Variants in GMDS observed in about 807,000 individuals in gnomAD.
The protein encoded by GMDS is GDP-mannose 4,6-dehydratase, also known as GDP-mannose 4,6 dehydratase.
Under a neutral mutation model 49.9 loss-of-function variants are expected in GMDS, and 20 were observed. That is an observed-to-expected ratio of 0.40 (90% CI 0.28 to 0.58). The LOEUF is 0.58. Ranked by LOEUF, GMDS falls within the 20% of genes least tolerant of loss-of-function variation. The pLI is 0.42. For synonymous variants in GMDS, 177 were observed against 178.6 expected (o/e 0.99, Z 0.07); for missense variants, 362 against 481.4 (o/e 0.75, Z 2.32).
intron 7 of GMDS, among the ~76,000 whole-genome samples, chr6:1,928,970 A>AAAATAAATAAATAAATAAAT (rs36003101): frequency 1.4e-5 from 2 of 148,036 alleles, no homozygotes; most frequent in African/African-American, 5.0e-5. Context: ...CTCTGTCTCA[A>AAAATAAATAAATAAATAAAT]AAATAAATAA....
intron 1 of GMDS, among the ~76,000 whole-genome samples, chr6:2,147,072 A>G (rs61070654): frequency 0.11 from 16,680 of 152,136 alleles, 3,018 homozygotes; most frequent in African/African-American, 0.38. Flanking sequence ...GTGAAGGAAA[A>G]TAGGAGTCCT....
At chr6:2,202,804 C>G (rs1291342914) in intron 1 of GMDS, among the ~76,000 whole-genome samples, 1 of 152,136 alleles carries the variant, frequency 6.6e-6, no homozygotes, top group Non-Finnish European at 1.5e-5. Context: ...GACCCTGGTT[C>G]TGGACCACAG....
chr6:2,238,667 T>C (rs768067594), intron 1 of GMDS, among the ~76,000 whole-genome samples: 4 of 152,176 alleles, frequency 2.6e-5, no homozygotes, highest in Non-Finnish European at 4.4e-5. Context: ...TAATCATCAT[T>C]TGTAATCCAC....
At chr6:2,115,943 C>G in intron 3 of GMDS, 63 bp from the exon 4 acceptor site, 1 of 951,736 alleles carries the variant, frequency 1.1e-6, no homozygotes, top group Non-Finnish European at 1.7e-6. Flanking sequence ...TTTTTAAAAA[C>G]ATCAAAATTG....
chr6:2,000,284 C>T (rs973778496), intron 4 of GMDS, among the ~76,000 whole-genome samples: 5 of 150,934 alleles, frequency 3.3e-5, no homozygotes, highest in African/African-American at 1.2e-4. Context: ...ATCCACCCGC[C>T]TTGGCCTCCC....
intron 7 of GMDS, among the ~76,000 whole-genome samples, chr6:1,900,378 CT>C (rs1183892732): frequency 3.9e-5 from 6 of 152,224 alleles, no homozygotes; most frequent in African/African-American, 1.4e-4. Context: ...GTCTGATATG[CT>C]AGCACATAAC....
At chr6:2,179,473 T>C (rs1778424603) in intron 1 of GMDS, among the ~76,000 whole-genome samples, 1 of 152,214 alleles carries the variant, frequency 6.6e-6, no homozygotes, top group East Asian at 1.9e-4. Flanking sequence ...CACAAATAAA[T>C]TATGCCCTTA....
At position 1,775,192 on chromosome 6, in the gene GMDS, G is replaced by A. The variant is rs1396422877; in HGVS notation, c.772-32606C>T. On this transcript the variant is annotated intron_variant, in intron 7 of 10. Transcript: ENST00000380815. Reference sequence around the variant, plus strand: ...ATGGCTGAAGGTGGGGAGTTTTATGGACAACCTTGGTAAGACCCCACTACT... The same window carrying A: ...ATGGCTGAAGGTGGGGAGTTTTATGAACAACCTTGGTAAGACCCCACTACT... Among the ~76,000 whole-genome samples the A allele has an allele frequency of 2.6e-5, 4 of 152,148 alleles. No homozygotes were observed. The East Asian group carries it at 7.7e-4, about 29-fold the overall frequency.
intron 9 of GMDS, among the ~76,000 whole-genome samples, chr6:1,665,769 T>C (rs1387571295): frequency 6.6e-6 from 1 of 152,164 alleles, no homozygotes; most frequent in Admixed American, 6.5e-5. Context: ...CTACACATAA[T>C]AGCTAAACAG....
At chr6:1,935,330 T>C (rs1203737577) in intron 6 of GMDS, among the ~76,000 whole-genome samples, 3 of 152,336 alleles carry the variant, frequency 2.0e-5, no homozygotes, top group South Asian at 4.1e-4. Context: ...TGTAAGAACA[T>C]CACTATGTCC....
intron 4 of GMDS, among the ~76,000 whole-genome samples, chr6:2,104,122 T>C (rs1252265597): frequency 1.3e-5 from 2 of 152,192 alleles, no homozygotes; most frequent in Non-Finnish European, 2.9e-5. Context: ...CGCTGCAACT[T>C]GTGCGTGGTT....
intron 1 of GMDS, among the ~76,000 whole-genome samples, chr6:2,138,165 A>G (rs1449781890): frequency 6.6e-6 from 1 of 152,240 alleles, no homozygotes; most frequent in African/African-American, 2.4e-5. Context: ...TACAACATTT[A>G]TTTATAAATC....
intron 9 of GMDS, among the ~76,000 whole-genome samples, chr6:1,710,895 T>C (rs17134216): frequency 0.24 from 36,255 of 152,024 alleles, 4,766 homozygotes; most frequent in African/African-American, 0.35. Flanking sequence ...GTTGACTACA[T>C]ATCGTCAGAA....
At chr6:1,857,011 T>C (rs1486092397) in intron 7 of GMDS, among the ~76,000 whole-genome samples, 1 of 152,130 alleles carries the variant, frequency 6.6e-6, no homozygotes, top group Non-Finnish European at 1.5e-5. Flanking sequence ...ATGCATAGAG[T>C]TGTCCCACAT....
intron 7 of GMDS, among the ~76,000 whole-genome samples, chr6:1,841,158 G>A (rs1249931713): frequency 6.6e-6 from 1 of 152,140 alleles, no homozygotes; most frequent in African/African-American, 2.4e-5. Flanking sequence ...AAAAGAATAA[G>A]GGTGGTAAGT....
At chr6:1,634,749 C>T (rs1025948833) in intron 9 of GMDS, among the ~76,000 whole-genome samples, 1 of 152,072 alleles carries the variant, frequency 6.6e-6, no homozygotes, top group Non-Finnish European at 1.5e-5. Flanking sequence ...GGGGCAAGAG[C>T]AGGGGAGAGA....
intron 3 of GMDS, among the ~76,000 whole-genome samples, chr6:2,116,977 A>C (rs1157556439): frequency 6.6e-6 from 1 of 152,214 alleles, no homozygotes; most frequent in East Asian, 1.9e-4. Context: ...CAGACAAATT[A>C]ATAAAAGCAG....
At chr6:1,690,641 C>A (rs112433198) in intron 9 of GMDS, among the ~76,000 whole-genome samples, 2 of 152,124 alleles carry the variant, frequency 1.3e-5, no homozygotes, top group Admixed American at 6.5e-5. Context: ...AGAGTCTACA[C>A]GGAACCTAAA....
chr6:2,116,190 TTC>T (rs1774838786), intron 3 of GMDS, among the ~76,000 whole-genome samples: 2 of 151,964 alleles, frequency 1.3e-5, no homozygotes, highest in Admixed American at 1.3e-4. Flanking sequence ...GTAAGATGTG[TTC>T]TGCAAGAATG....
Sources: allele counts gnomAD v4.1 joint callset (sites outside exome capture counted in the v4.1 genomes callset), GRCh38; gene constraint gnomAD v4.1.1; transcripts MANE v1.5; gene names NCBI Gene and HGNC (gene_info 2026-07-23, HGNC 2026-07-21).